PLCB4: variants seen among roughly 807,000 people sequenced by gnomAD.
PLCB4 encodes 1-phosphatidylinositol 4,5-bisphosphate phosphodiesterase beta-4.
PLCB4 carries 77 observed loss-of-function variants against 178.8 expected under a neutral mutation model. The ratio of observed to expected loss-of-function variants is 0.43; its 90% confidence interval spans 0.36 to 0.52. PLCB4 has a LOEUF of 0.52. Ranked by LOEUF, PLCB4 falls within the 20% of genes least tolerant of loss-of-function variation. PLCB4 has a pLI of 0.00. For synonymous variants in PLCB4, 496 were observed against 490.8 expected (o/e 1.01, Z -0.14); for missense variants, 1,024 against 1,453.4 (o/e 0.70, Z 4.80).
chr20:9,152,895 C>T (rs2092715247), intron 2 of PLCB4, among the ~76,000 whole-genome samples: 1 of 152,116 alleles, frequency 6.6e-6, no homozygotes, highest in African/African-American at 2.4e-5. Context: ...TGGAGCTGCC[C>T]AAGACCATGG....
chr20:9,412,546 C>T (rs1220915691), intron 25 of PLCB4, among the ~76,000 whole-genome samples: 1 of 152,124 alleles, frequency 6.6e-6, no homozygotes, highest in East Asian at 1.9e-4. Context: ...AAGACTTTGT[C>T]CTTTGACAAA....
intron 3 of PLCB4, among the ~76,000 whole-genome samples, chr20:9,287,949 T>C (rs576295513): frequency 1.9e-3 from 287 of 152,162 alleles, no homozygotes; most frequent in Non-Finnish European, 3.2e-3. Context: ...ATGTTTTCCT[T>C]TTGCACCAGT....
intron 2 of PLCB4, among the ~76,000 whole-genome samples, chr20:9,173,284 G>C (rs2093095787): frequency 6.6e-6 from 1 of 152,112 alleles, no homozygotes; most frequent in African/African-American, 2.4e-5. Flanking sequence ...CCATACTTTT[G>C]GTCCTGCACA....
chr20:9,148,501 G>A (rs374634451), intron 2 of PLCB4, among the ~76,000 whole-genome samples: 2 of 152,056 alleles, frequency 1.3e-5, no homozygotes, highest in African/African-American at 4.8e-5. Flanking sequence ...ATAGAGTTTC[G>A]TTTTCAGATT....
intron 3 of PLCB4, among the ~76,000 whole-genome samples, chr20:9,302,143 G>T (rs997753078): frequency 6.6e-6 from 1 of 151,178 alleles, no homozygotes; most frequent in Admixed American, 6.6e-5. Flanking sequence ...TTGAGAAGAG[G>T]AACTTTTGGC....
At chr20:9,322,064 C>T (rs950743556) in intron 4 of PLCB4, among the ~76,000 whole-genome samples, 1 of 151,332 alleles carries the variant, frequency 6.6e-6, no homozygotes, top group Non-Finnish European at 1.5e-5. Flanking sequence ...TCTCCTGCCT[C>T]AGCCTCCCTC....
intron 9 of PLCB4, among the ~76,000 whole-genome samples, chr20:9,367,274 A>T (rs896828289): frequency 2.0e-5 from 3 of 152,280 alleles, no homozygotes; most frequent in African/African-American, 4.8e-5. Flanking sequence ...AATTTTTTTT[A>T]AATTTAACTC....
At chr20:9,132,286 G>C (rs1005174036) in intron 2 of PLCB4, among the ~76,000 whole-genome samples, 1 of 142,904 alleles carries the variant, frequency 7.0e-6, no homozygotes, top group Non-Finnish European at 1.5e-5. Flanking sequence ...CATAATGTTT[G>C]TGTGTGTGTG....
chr20:9,088,498 T>G (rs184586547), intron 1 of PLCB4, among the ~76,000 whole-genome samples: 15 of 152,312 alleles, frequency 9.8e-5, no homozygotes, highest in African/African-American at 2.9e-4. Flanking sequence ...ACATTTATAA[T>G]TCGTGAACTG....
At position 9,312,392 on chromosome 20, in the gene PLCB4, ACACACG is replaced by A. The variant is rs1305151785; in HGVS notation, c.84+4498_84+4503del. Among the ~76,000 whole-genome samples, 56 of 145,426 alleles carry A rather than the reference ACACACG, an allele frequency of 3.9e-4. 1 individual carries two copies. The highest frequency in any genetic ancestry group is 1.6e-3 in the Admixed American group (23 of 14,406). On this transcript the variant is annotated intron_variant, in intron 4 of 39. Transcript: ENST00000378473. ...CACACACACACACACACACACACAC[ACACACG>A]CACGCACTCACACACACGTGGTGGA...
chr20:9,326,251 G>T (rs2030538863), intron 4 of PLCB4, among the ~76,000 whole-genome samples: 1 of 152,112 alleles, frequency 6.6e-6, no homozygotes, highest in South Asian at 2.1e-4. Flanking sequence ...AGAAAAGATG[G>T]TGTACCTTCC....
chr20:9,307,494 TACACACACACACACACACACAC>T (rs745918024), intron 3 of PLCB4, among the ~76,000 whole-genome samples: 39 of 138,180 alleles, frequency 2.8e-4, no homozygotes, highest in African/African-American at 6.6e-4. Flanking sequence ...AAAAAAAGAA[TACACACACACACACACACACAC>T]ACACACACAC....
chr20:9,133,463 C>T (rs1392682314), intron 2 of PLCB4, among the ~76,000 whole-genome samples: 3 of 151,922 alleles, frequency 2.0e-5, no homozygotes, highest in African/African-American at 7.3e-5. Flanking sequence ...AGTGGGGTTT[C>T]ACCTTGTTGG....
At chr20:9,474,967 T>G (rs1300182485) in intron 38 of PLCB4, among the ~76,000 whole-genome samples, 1 of 152,204 alleles carries the variant, frequency 6.6e-6, no homozygotes, top group Non-Finnish European at 1.5e-5. Context: ...TTTTTGCTCT[T>G]AAAGCACTTC....
chr20:9,355,979 G>T (rs2034779874), intron 7 of PLCB4, among the ~76,000 whole-genome samples: 1 of 152,116 alleles, frequency 6.6e-6, no homozygotes, highest in Non-Finnish European at 1.5e-5. Flanking sequence ...ACTGTTTAAT[G>T]ATTGCCATTC....
intron 35 of PLCB4, among the ~76,000 whole-genome samples, chr20:9,465,596 C>CA (rs1404485269): frequency 6.6e-6 from 1 of 152,180 alleles, no homozygotes; most frequent in African/African-American, 2.4e-5. Flanking sequence ...TCTCAGGATA[C>CA]AAAATCAATG....
intron 3 of PLCB4, among the ~76,000 whole-genome samples, chr20:9,224,184 C>T (rs1293002195): frequency 6.6e-6 from 1 of 152,160 alleles, no homozygotes; most frequent in African/African-American, 2.4e-5. Context: ...GCAATATCAT[C>T]TGCCTCAGGG....
chr20:9,156,228 C>T (rs372235387), intron 2 of PLCB4, among the ~76,000 whole-genome samples: 1 of 152,260 alleles, frequency 6.6e-6, no homozygotes, highest in African/African-American at 2.4e-5. Flanking sequence ...AACATGCAGT[C>T]TCCTCATCCA....
At chr20:9,472,128 A>G (rs1336306449) in intron 36 of PLCB4, among the ~76,000 whole-genome samples, 2 of 152,250 alleles carry the variant, frequency 1.3e-5, no homozygotes. Flanking sequence ...TCTCTAAAAC[A>G]TAAGACTAAG....
Sources: gnomAD v4.1 joint callset for allele counts (sites outside exome capture counted in the v4.1 genomes callset) on GRCh38, gnomAD v4.1.1 for gene constraint, MANE v1.5 for transcripts, NCBI Gene and HGNC (gene_info 2026-07-23, HGNC 2026-07-21) for gene names.